The following ARB2A variants were observed in gnomAD, a reference collection of about 807,000 sequenced individuals.
ARB2A encodes cotranscriptional regulator ARB2A.
At chr5:93,887,429 C>CT in the ARB2A span, among the ~76,000 whole-genome samples, 1 of 151,710 alleles carries the variant, frequency 6.6e-6, no homozygotes, top group Admixed American at 6.6e-5. Flanking sequence ...CTGAATATAA[C>CT]TTTTCTTGAC....
At chr5:94,101,196 A>G in the ARB2A span, among the ~76,000 whole-genome samples, 2 of 152,208 alleles carry the variant, frequency 1.3e-5, no homozygotes, top group Non-Finnish European at 2.9e-5. Context: ...GAAGCATATG[A>G]AAAAAAGCTC....
chr5:93,975,177 A>G, the ARB2A span, among the ~76,000 whole-genome samples: 1 of 151,872 alleles, frequency 6.6e-6, no homozygotes, highest in African/African-American at 2.4e-5. Context: ...TTAGCTGGGC[A>G]TGGTAGCGAG....
chr5:94,105,297 G>A, the ARB2A span, among the ~76,000 whole-genome samples: 1 of 151,980 alleles, frequency 6.6e-6, no homozygotes, highest in Admixed American at 6.6e-5. Context: ...CAAAGTTTCA[G>A]GATACTAAAT....
the ARB2A span, among the ~76,000 whole-genome samples, chr5:93,846,282 T>A: frequency 1.8e-4 from 27 of 151,658 alleles, no homozygotes; most frequent in African/African-American, 6.3e-4. Context: ...GTAGGGAGGA[T>A]CACCTGAGCC....
At chr5:94,109,645 T>C in the ARB2A span, among the ~76,000 whole-genome samples, 1 of 152,194 alleles carries the variant, frequency 6.6e-6, no homozygotes, top group Non-Finnish European at 1.5e-5. Flanking sequence ...GATTGTTAAG[T>C]ACTGCTACCT....
At chr5:93,621,305 C>T in the ARB2A span, among the ~76,000 whole-genome samples, 136 of 151,872 alleles carry the variant, frequency 9.0e-4, no homozygotes, top group African/African-American at 3.2e-3. Context: ...GGACCCCCGC[C>T]CCCTCGCGGG....
chr5:93,839,107 T>C, the ARB2A span, among the ~76,000 whole-genome samples: 2 of 152,168 alleles, frequency 1.3e-5, no homozygotes, highest in Non-Finnish European at 2.9e-5. Flanking sequence ...AGAGCATCCC[T>C]GTCACGTTCC....
chr5:93,763,918 G>T, the ARB2A span, among the ~76,000 whole-genome samples: 3 of 152,064 alleles, frequency 2.0e-5, no homozygotes, highest in Non-Finnish European at 4.4e-5. Context: ...TCAACTACAT[G>T]GAAACTGAAC....
At chr5:94,081,235 GACA>G in the ARB2A span, among the ~76,000 whole-genome samples, 9 of 152,280 alleles carry the variant, frequency 5.9e-5, no homozygotes, top group South Asian at 1.9e-3. Flanking sequence ...TTGCTAGTGT[GACA>G]ACAATTGCTG....
the ARB2A span, among the ~76,000 whole-genome samples, chr5:94,016,608 T>C: frequency 6.6e-6 from 1 of 152,218 alleles, no homozygotes; most frequent in East Asian, 1.9e-4. Flanking sequence ...CCATGCTGGA[T>C]TGGCTTTATA....
the ARB2A span, chr5:93,805,528 G>A: frequency 3.7e-5 from 36 of 985,070 alleles, no homozygotes; most frequent in East Asian, 5.7e-4. Flanking sequence ...AGTATGACCT[G>A]AGCAGTAATA....
the ARB2A span, among the ~76,000 whole-genome samples, chr5:94,001,254 A>G: frequency 6.6e-6 from 1 of 152,086 alleles, no homozygotes; most frequent in African/African-American, 2.4e-5. Context: ...ACATCATGAC[A>G]ATATTTAAGC....
the ARB2A span, among the ~76,000 whole-genome samples, chr5:93,730,786 T>C: frequency 6.6e-6 from 1 of 152,152 alleles, no homozygotes. Flanking sequence ...CATATCTCTA[T>C]CAAAATATAA....
the ARB2A span, among the ~76,000 whole-genome samples, chr5:93,654,293 C>A: frequency 6.6e-6 from 1 of 152,126 alleles, no homozygotes; most frequent in Admixed American, 6.5e-5. Flanking sequence ...TTGAAGAACT[C>A]CCTCTAAGGT....
the ARB2A span, among the ~76,000 whole-genome samples, chr5:93,764,795 A>G: frequency 1.3e-5 from 2 of 152,250 alleles, no homozygotes; most frequent in African/African-American, 2.4e-5. Flanking sequence ...AAAATCCTCA[A>G]TAAAATACTG....
chr5:93,900,150 C>T, the ARB2A span, among the ~76,000 whole-genome samples: 1 of 152,000 alleles, frequency 6.6e-6, no homozygotes, highest in Admixed American at 6.6e-5. Flanking sequence ...TGGCATTAGG[C>T]TTGAAAGTAA....
At chr5:93,985,750 A>C in the ARB2A span, among the ~76,000 whole-genome samples, 1 of 152,146 alleles carries the variant, frequency 6.6e-6, no homozygotes, top group Non-Finnish European at 1.5e-5. Context: ...GCTGGAGTGC[A>C]GTGGCGTGAT....
the ARB2A span, among the ~76,000 whole-genome samples, chr5:94,024,837 G>T: frequency 1.3e-5 from 2 of 152,098 alleles, no homozygotes; most frequent in African/African-American, 4.8e-5. Context: ...CTGAGTAGAG[G>T]CCCAGAGATA....
At chr5:93,974,204 C>G in the ARB2A span, among the ~76,000 whole-genome samples, 1 of 152,058 alleles carries the variant, frequency 6.6e-6, no homozygotes, top group Non-Finnish European at 1.5e-5. Flanking sequence ...TCTATCTATA[C>G]AGAAAGATCT....
Sources: gnomAD v4.1 joint callset for allele counts (sites outside exome capture counted in the v4.1 genomes callset) on GRCh38, gnomAD v4.1.1 for gene constraint, MANE v1.5 for transcripts, NCBI Gene and HGNC (gene_info 2026-07-23, HGNC 2026-07-21) for gene names.